Variants in DONSON observed in about 807,000 individuals in gnomAD.
DONSON encodes DNA replication fork stabilization factor DONSON.
In DONSON, 43 loss-of-function variants were observed where a neutral mutation model predicts 62.1. The observed-to-expected ratio is 0.69, with a 90% CI of 0.54 to 0.89. DONSON has a LOEUF of 0.89. DONSON is among the 40% of genes least tolerant of loss of function. DONSON has a pLI of 0.00. For missense variants in DONSON, 696 were observed against 697.5 expected (o/e 1.00, Z 0.03); for synonymous variants, 266 against 264.6 (o/e 1.01, Z -0.05).
At chr21:33,580,447 G>A (rs565072625) in intron 8 of DONSON, among the ~76,000 whole-genome samples, 3 of 95,444 alleles carry the variant, frequency 3.1e-5, no homozygotes, top group African/African-American at 4.2e-5. Context: ...GCCTGGGTGA[G>A]AGTGAGATTC....
chr21:33,581,126 CATA>C (rs1278697817), intron 8 of DONSON, 173 bp downstream of exon 8: 11 of 558,164 alleles, frequency 2.0e-5, no homozygotes, highest in Non-Finnish European at 3.1e-5. Flanking sequence ...TATATTTCCA[CATA>C]ATTTCTTTGA....
At chr21:33,579,000 TG>T (rs762957716) in intron 9 of DONSON, among the ~76,000 whole-genome samples, 1 of 151,958 alleles carries the variant, frequency 6.6e-6, no homozygotes, top group Non-Finnish European at 1.5e-5. Flanking sequence ...TAGCCAGATG[TG>T]GTGGCACATG....
At chr21:33,581,907 A>G in intron 7 of DONSON, 44 bp downstream of exon 7, 1 of 1,552,628 alleles carries the variant, frequency 6.4e-7, no homozygotes, top group Non-Finnish European at 8.9e-7. Flanking sequence ...CACTAACGTC[A>G]TTCAATGAAA....
At chr21:33,585,897 C>T (rs1170437818) in intron 3 of DONSON, 81 bp downstream of exon 3, 8 of 1,309,210 alleles carry the variant, frequency 6.1e-6, no homozygotes, top group Non-Finnish European at 8.7e-6. Context: ...TAATGGAAGG[C>T]AGCATCTGCT....
At chr21:33,586,263 C>A in intron 2 of DONSON, 82 bp from the exon 3 acceptor site, 2 of 1,106,312 alleles carry the variant, frequency 1.8e-6, no homozygotes, top group South Asian at 1.3e-5. Context: ...CTAACATGAT[C>A]ACTGAAAAGT....
At chr21:33,583,409 T>G in intron 5 of DONSON, 79 bp downstream of exon 5, 2 of 1,169,864 alleles carry the variant, frequency 1.7e-6, no homozygotes, top group Middle Eastern at 4.3e-4. Context: ...GTAAAAGGCA[T>G]TTTAAATTTA....
intron 9 of DONSON, 38 bp from the exon 10 acceptor site, chr21:33,578,482 T>G: frequency 6.3e-7 from 1 of 1,582,640 alleles, no homozygotes; most frequent in Non-Finnish European, 8.6e-7. Flanking sequence ...AAAAGCACAT[T>G]AGTCTTTAAA....
Position 33,577,674 on chromosome 21 carries a change from CACACACACACACACACACACACACA to C in DONSON, c.*608_*632del, listed in dbSNP as rs1569073120. The C allele has an allele frequency of 1.8e-4, 19 of 103,264 alleles. No individual in the cohort carries two copies. Among genetic ancestry groups the C allele is most frequent in the African/African-American group, 8.0e-4 (18 of 22,544 alleles). The allele number at this position is 103,264 out of a possible 1,614,324, so 6.4% of individuals were successfully genotyped here. A position where few individuals can be genotyped will look rare whatever the true frequency, so the allele number is the denominator to read the frequency against. On this transcript the variant is annotated 3_prime_UTR_variant, in exon 10 of 10. Coordinates refer to ENST00000303071, the MANE Select transcript of DONSON (RefSeq NM_017613.4). ...ACACACACACACACACACACACACA[CACACACACACACACACACACACACA>C]CACCCCTATAAGCACATTAAATACT...
Position 33,588,309 on chromosome 21 carries a change from C to G in DONSON, c.321+12G>C, listed in dbSNP as rs13047013. On this transcript the variant is annotated intron_variant, in intron 1 of 9. Transcript: ENST00000303071. ...CAAGAGCCCCTTGGCGGCCAGGCTA[C>G]AAGACACTCACCGGGACCGGGGCCT... The G allele has an allele frequency of 1.6e-6, 2 of 1,276,094 alleles. No homozygotes were observed. Among genetic ancestry groups the G allele is most frequent in the Non-Finnish European group, 2.0e-6 (2 of 1,014,284 alleles). 79.0% of individuals were successfully genotyped at this position (1,276,094 alleles called of 1,614,324 possible).
In DONSON at chr21:33,577,774, T is replaced by C. The variant is rs893764491; in HGVS notation, c.*533A>G. 2 of 152,988 alleles carry C rather than the reference T, an allele frequency of 1.3e-5. No homozygotes were observed. The highest frequency in any genetic ancestry group is 2.4e-5 in the African/African-American group (1 of 41,354). The allele number at this position is 152,988 out of a possible 1,614,324, so 9.5% of individuals were successfully genotyped here. On this transcript the variant is annotated 3_prime_UTR_variant, in exon 10 of 10. Transcript: ENST00000303071. ...CTTCACAATTCTTAACACTATTCTA[T>C]GTGGAATACAAAATGCCTTTTTATC...
rs1435700392 is a variant in DONSON, at chr21:33,584,674, C to A, written c.701G>T (p.Arg234Leu). ...PALSWLPLFP[R>L]IGADRKMAGK... is the part of the protein sequence containing the mutation. ...AGCCATTTTTCTATCAGCTCCAATA[C>A]GAGGGAACAGTGGTAGCCAAGACAA... is the stretch of plus-strand genomic sequence containing the variant. Residue 234 changes from arginine to leucine, a missense_variant, in exon 4 of 10, where the codon CGT becomes CTT. Physicochemically the swap from Arg to Leu is moderately radical, Grantham distance 102 (BLOSUM62 -2). Transcript: ENST00000303071. 1.9e-6 allele frequency: 3 copies of A among 1,612,956 alleles called. No homozygotes were observed. Among genetic ancestry groups the A allele is most frequent in the African/African-American group, 1.3e-5 (1 of 74,864 alleles).
chr21:33,586,325 GT>G (rs1555903004), intron 2 of DONSON, 144 bp from the exon 3 acceptor site: 141 of 725,234 alleles, frequency 1.9e-4, no homozygotes, highest in Non-Finnish European at 1.3e-5. Context: ...ATTACACACT[GT>G]AAAAAAGTCT....
Position 33,586,835 on chromosome 21 carries a change from G to T in DONSON, c.403-654C>A, listed in dbSNP as rs538470209. ...TATTTTTAGTCGAGACGGGGGTTTC[G>T]TCATATTGGCCAGGCTGTTCGCGAA... On this transcript the variant is annotated intron_variant, in intron 2 of 9. Coordinates refer to ENST00000303071, the MANE Select transcript of DONSON (RefSeq NM_017613.4). Among the ~76,000 whole-genome samples, 206 of 151,654 alleles carry T rather than the reference G, an allele frequency of 1.4e-3. 1 individual carries two copies. The highest frequency in any genetic ancestry group is 2.2e-3 in the Non-Finnish European group (149 of 68,000).
rs1462178226 is a variant in DONSON, at chr21:33,588,458, C to G, written c.184G>C (p.Gly62Arg). ...CCGCCGCTGCCACCGCCTCTGCCCCCCGCAGCAGGGAAAGGGCGAAGAGGC... is the reference window on the plus strand; with the variant it reads ...CCGCCGCTGCCACCGCCTCTGCCCCGCGCAGCAGGGAAAGGGCGAAGAGGC... ...GLPLRPFPAA[G>R]GRGGGSGGGP... is the part of the protein sequence containing the mutation. The change falls in exon 1 of 10, where the codon GGG becomes CGG. Residue 62 changes from glycine to arginine, a missense_variant. Physicochemically the swap from Gly to Arg is moderately radical, Grantham distance 125 (BLOSUM62 -2). Transcript: ENST00000303071. 1.5e-6 allele frequency: 2 copies of G among 1,303,078 alleles called. No homozygotes were observed. The highest frequency in any genetic ancestry group is 3.1e-5 in the African/African-American group (2 of 65,152). 80.7% of individuals were successfully genotyped at this position (1,303,078 alleles called of 1,614,324 possible).
At chr21:33,587,983 A>C (rs2086597851) in intron 1 of DONSON, among the ~76,000 whole-genome samples, 2 of 152,164 alleles carry the variant, frequency 1.3e-5, no homozygotes, top group Non-Finnish European at 2.9e-5. Flanking sequence ...GCGTCCTTGC[A>C]AGATGGGGGC....
At chr21:33,587,656 A>T in intron 1 of DONSON, 54 bp from the exon 2 acceptor site, 1 of 1,266,810 alleles carries the variant, frequency 7.9e-7, no homozygotes, top group South Asian at 1.4e-5. Flanking sequence ...AGTTTGCGTT[A>T]AATATGTACA....
intron 5 of DONSON, among the ~76,000 whole-genome samples, 176 bp downstream of exon 5, chr21:33,583,312 C>T (rs773104977): frequency 1.3e-5 from 2 of 150,628 alleles, no homozygotes; most frequent in East Asian, 1.9e-4. Context: ...AAAAAGTTTG[C>T]GGACTGCTGG....
chr21:33,581,145 CTG>C, intron 8 of DONSON, 155 bp downstream of exon 8: 1 of 602,960 alleles, frequency 1.7e-6, no homozygotes, highest in Non-Finnish European at 2.8e-6. Flanking sequence ...TTTGATATAA[CTG>C]TCTTATATAA....
chr21:33,577,690 CACACACACA>C lies in DONSON; in HGVS notation c.*608_*616del, dbSNP rs2086448333. Reference sequence around the variant, plus strand: ...ACACACACACACACACACACACACACACACACACACACCCCTATAAGCACATTAAATACT... The same window carrying C: ...ACACACACACACACACACACACACACCACCCCTATAAGCACATTAAATACT... On this transcript the variant is annotated 3_prime_UTR_variant, in exon 10 of 10. Transcript: ENST00000303071. The C allele has an allele frequency of 2.6e-5, 3 of 116,572 alleles. No homozygotes were observed. Among genetic ancestry groups the C allele is most frequent in the African/African-American group, 1.1e-4 (3 of 26,294 alleles). The allele number at this position is 116,572 out of a possible 1,614,324, so 7.2% of individuals were successfully genotyped here. A position where few individuals can be genotyped will look rare whatever the true frequency, so the allele number is the denominator to read the frequency against.
Sources: gnomAD v4.1 joint callset for allele counts (sites outside exome capture counted in the v4.1 genomes callset) on GRCh38, gnomAD v4.1.1 for gene constraint, MANE v1.5 for transcripts, NCBI Gene and HGNC (gene_info 2026-07-23, HGNC 2026-07-21) for gene names.